CNTLN: variants seen among roughly 807,000 people sequenced by gnomAD.
CNTLN encodes centlein, also known as centlein, centrosomal protein.
In CNTLN, 212 loss-of-function variants were observed where a neutral mutation model predicts 180.0. The ratio of observed to expected loss-of-function variants is 1.18; its 90% confidence interval spans 1.05 to 1.32. The LOEUF is 1.32. Ranked by LOEUF, CNTLN falls within the 40% of genes most tolerant of loss-of-function variation. The pLI, the probability that CNTLN is intolerant of heterozygous loss-of-function variation, is 0.00. For missense variants in CNTLN, 2,095 were observed against 1,610.9 expected (o/e 1.30, Z -5.14); for synonymous variants, 722 against 563.1 (o/e 1.28, Z -3.99).
At chr9:17,359,079 C>T (rs527838243) in intron 12 of CNTLN, among the ~76,000 whole-genome samples, 1 of 151,624 alleles carries the variant, frequency 6.6e-6, no homozygotes, top group East Asian at 2.0e-4. Context: ...AGTGCAGTGG[C>T]ACAATCTCAG....
Position 17,457,515 on chromosome 9 carries a change from A to C in CNTLN, c.3115-9A>C, listed in dbSNP as rs10963108. The C allele has an allele frequency of 3.8e-6, 1 of 265,902 alleles. No individual in the cohort carries two copies. The highest frequency in any genetic ancestry group is 7.1e-5 in the South Asian group (1 of 14,012). The allele number at this position is 265,902 out of a possible 1,614,324, so 16.5% of individuals were successfully genotyped here. Reference sequence around the variant, plus strand: ...ATATTTATATTTATTTTCTTTTTTTAAAAAAAAGAAGCTAAATTTGGATTT... The same window carrying C: ...ATATTTATATTTATTTTCTTTTTTTCAAAAAAAGAAGCTAAATTTGGATTT... On this transcript the variant is annotated splice_polypyrimidine_tract_variant and intron_variant, in intron 18 of 25. Coordinates refer to ENST00000380647, the MANE Select transcript of CNTLN (RefSeq NM_017738.4).
chr9:17,306,895 G>A (rs1487434950), intron 7 of CNTLN, among the ~76,000 whole-genome samples: 2 of 152,040 alleles, frequency 1.3e-5, no homozygotes, highest in Non-Finnish European at 1.5e-5. Flanking sequence ...AGAGAAGACC[G>A]TCACTCATCA....
intron 25 of CNTLN, among the ~76,000 whole-genome samples, chr9:17,492,960 T>C (rs1322594972): frequency 1.3e-5 from 2 of 152,166 alleles, no homozygotes; most frequent in African/African-American, 4.8e-5. Flanking sequence ...CAAGACATTA[T>C]GCTAAGTGAA....
intron 7 of CNTLN, chr9:17,300,697 C>G (rs1021292997): frequency 1.3e-5 from 2 of 151,964 alleles, no homozygotes; most frequent in Admixed American, 6.6e-5. Flanking sequence ...GTTTCCCAGA[C>G]CATTAAAAAT....
At chr9:17,358,872 G>T (rs1823067395) in intron 12 of CNTLN, among the ~76,000 whole-genome samples, 1 of 152,040 alleles carries the variant, frequency 6.6e-6, no homozygotes. Flanking sequence ...GAATATTTTA[G>T]CCAACTCCAA....
intron 23 of CNTLN, among the ~76,000 whole-genome samples, chr9:17,476,269 C>A (rs2134265904): frequency 6.6e-6 from 1 of 152,270 alleles, no homozygotes; most frequent in South Asian, 2.1e-4. Flanking sequence ...ACTGTCTTTT[C>A]CCCCATCTCA....
At chr9:17,234,186 G>A (rs1252315756) in intron 3 of CNTLN, among the ~76,000 whole-genome samples, 1 of 152,054 alleles carries the variant, frequency 6.6e-6, no homozygotes, top group African/African-American at 2.4e-5. Flanking sequence ...GTTGGGCACG[G>A]TGGCTCACAC....
At chr9:17,174,260 C>A (rs1203042897) in intron 2 of CNTLN, among the ~76,000 whole-genome samples, 1 of 152,188 alleles carries the variant, frequency 6.6e-6, no homozygotes, top group East Asian at 1.9e-4. Context: ...TGGGTTGTTT[C>A]CAGTTTTTGA....
intron 23 of CNTLN, among the ~76,000 whole-genome samples, chr9:17,481,997 C>T (rs766281112): frequency 4.6e-5 from 7 of 152,150 alleles, no homozygotes; most frequent in Non-Finnish European, 1.0e-4. Context: ...GTGGCTGCTT[C>T]CTTAAATGTA....
chr9:17,436,679 T>C (rs953922866), intron 18 of CNTLN, among the ~76,000 whole-genome samples: 13 of 152,230 alleles, frequency 8.5e-5, no homozygotes, highest in African/African-American at 2.7e-4. Flanking sequence ...TCCAAACTTA[T>C]ATTTGTCCTT....
At chr9:17,524,574 C>T in the CNTLN span, among the ~76,000 whole-genome samples, 1 of 152,226 alleles carries the variant, frequency 6.6e-6, no homozygotes, top group East Asian at 1.9e-4. Flanking sequence ...TGTCTAGGTA[C>T]TGGATGTCCC....
intron 18 of CNTLN, among the ~76,000 whole-genome samples, chr9:17,439,257 A>C (rs1387707918): frequency 6.6e-6 from 1 of 152,328 alleles, no homozygotes; most frequent in East Asian, 1.9e-4. Flanking sequence ...CATTATTTTA[A>C]CAGAGCAATA....
At position 17,279,103 on chromosome 9, in the gene CNTLN, A is replaced by T. The variant is rs541197700; in HGVS notation, c.983+5237A>T. 8.3e-4 allele frequency among the ~76,000 whole-genome samples: 126 copies of T among 152,088 alleles called. 1 individual carries two copies. The highest frequency in any genetic ancestry group is 2.9e-3 in the African/African-American group (122 of 41,520). On this transcript the variant is annotated intron_variant, in intron 6 of 25. Transcript: ENST00000380647. Reference sequence around the variant, plus strand: ...GCGATTCATGTTATTATTTTTTTTTAAACTACATTTCATCTGTAGTTGATT... The same window carrying T: ...GCGATTCATGTTATTATTTTTTTTTTAACTACATTTCATCTGTAGTTGATT...
intron 6 of CNTLN, among the ~76,000 whole-genome samples, chr9:17,283,569 C>T (rs567399614): frequency 2.4e-4 from 37 of 152,212 alleles, no homozygotes; most frequent in Admixed American, 3.9e-4. Context: ...TCCTCTCTTC[C>T]CATTTGAATA....
chr9:17,322,438 G>T (rs548903779), intron 8 of CNTLN, among the ~76,000 whole-genome samples: 1 of 152,056 alleles, frequency 6.6e-6, no homozygotes, highest in South Asian at 2.1e-4. Flanking sequence ...TAAAAAGAAG[G>T]CTGCCAATAG....
rs778629994 is a variant in CNTLN at position 17,342,340 on chromosome 9, A to C, written c.1782A>C (p.Lys594Asn). ...TTAAAAATAGGACTGAAATCAGGAA[A>C]ATAAAGAGAGCAGATCCCCAACAAC... The part of the protein sequence containing the change: ...EEGSGMTEIR[K>N]IKRADPQQLR... The change falls in exon 12 of 26, where the codon AAA (lysine) becomes AAC (asparagine). Residue 594 changes from lysine (K) to asparagine (N), a missense_variant. By Grantham distance (94) the Lys-to-Asn change is moderately conservative. Coordinates refer to ENST00000380647, the MANE Select transcript of CNTLN (RefSeq NM_017738.4). The C allele has an allele frequency of 1.4e-5, 23 of 1,612,200 alleles. No individual in the cohort carries two copies. The highest frequency in any genetic ancestry group is 1.7e-5 in the Non-Finnish European group (20 of 1,179,298).
At chr9:17,509,473 A>G in the CNTLN span, among the ~76,000 whole-genome samples, 5 of 152,332 alleles carry the variant, frequency 3.3e-5, no homozygotes, top group East Asian at 9.7e-4. Context: ...TGATCAAGGA[A>G]GTTACTTCAA....
intron 5 of CNTLN, among the ~76,000 whole-genome samples, chr9:17,266,236 T>C (rs1327836372): frequency 1.3e-5 from 2 of 152,186 alleles, no homozygotes; most frequent in African/African-American, 4.8e-5. Flanking sequence ...TGGTATGCTG[T>C]GTCTTTGTTA....
rs141168032 is a variant in CNTLN at position 17,135,275 on chromosome 9, G to C, written c.210G>C (p.Gly70=). Residue 70 remains glycine (G), a synonymous_variant, in exon 1 of 26, where the codon GGG becomes GGC. Transcript: ENST00000380647. ...GGTCAGGGGGCCGGCGAGGGCCTGGGGGGGCAGCTCCGGCTCATGCTCCCC... is the reference window on the plus strand; with the variant it reads ...GGTCAGGGGGCCGGCGAGGGCCTGGCGGGGCAGCTCCGGCTCATGCTCCCC... The part of the protein sequence containing the change: ...EEGSGGRRGP[G]GAAPAHAPLL... 1.2e-5 allele frequency: 20 copies of C among 1,602,360 alleles called. No individual in the cohort carries two copies. The African/African-American group carries it at 1.9e-4, about 15-fold the overall frequency.
Sources: gnomAD v4.1 joint callset for allele counts (sites outside exome capture counted in the v4.1 genomes callset) on GRCh38, gnomAD v4.1.1 for gene constraint, MANE v1.5 for transcripts, NCBI Gene and HGNC (gene_info 2026-07-23, HGNC 2026-07-21) for gene names.